The following SEC14L5 variants were observed in gnomAD, a reference collection of about 807,000 sequenced individuals.
The protein encoded by SEC14L5 is SEC14-like protein 5.
In SEC14L5, 96 loss-of-function variants were observed where a neutral mutation model predicts 84.6. That is an observed-to-expected ratio of 1.13 (90% CI 0.96 to 1.34). The LOEUF (loss-of-function observed/expected upper bound fraction) is 1.34. Among genes scored for constraint, SEC14L5 ranks in the 40% most tolerant of loss-of-function variants. SEC14L5 has a pLI of 0.00. For missense variants in SEC14L5, 1,224 were observed against 942.5 expected (o/e 1.30, Z -3.91); for synonymous variants, 546 against 383.4 (o/e 1.42, Z -4.95).
In SEC14L5 at chr16:5,007,375, G is replaced by A. The variant is rs1159663676; in HGVS notation, c.1461G>A (p.Leu487=). 1 of 1,613,702 alleles carries A rather than the reference G, an allele frequency of 6.2e-7. No homozygotes were observed. The highest frequency in any genetic ancestry group is 8.5e-7 in the Non-Finnish European group (1 of 1,179,804). Residue 487 remains leucine, a synonymous_variant, in exon 13 of 16, where the codon CTG becomes CTA. Coordinates refer to ENST00000251170, the MANE Select transcript of SEC14L5 (RefSeq NM_014692.2). ...AGTGTAATGTCCCCGAAGGAGGGCTGGTCCCCAAGTCCCTCTACATGACAG... is the reference window on the plus strand; with the variant it reads ...AGTGTAATGTCCCCGAAGGAGGGCTAGTCCCCAAGTCCCTCTACATGACAG... ...ESVCNVPEGG[L]VPKSLYMTEE... is the part of the protein sequence containing the mutation.
chr16:4,996,381 G>A lies in SEC14L5; in HGVS notation c.701G>A (p.Cys234Tyr). ...CTGGATGCGGACTACATTGAGAGGT[G>A]CCTGGGCCACCTCACGCCCATGCAG... ...DKLDADYIER[C>Y]LGHLTPMQES... is the part of the protein sequence containing the mutation. The change falls in exon 7 of 16, where the codon TGC becomes TAC. Residue 234 changes from cysteine to tyrosine, a missense_variant. Cys to Tyr is a radical substitution (Grantham distance 194). Transcript: ENST00000251170. The A allele has an allele frequency of 6.4e-7, 1 of 1,565,614 alleles. No homozygotes were observed. Among genetic ancestry groups the A allele is most frequent in the East Asian group, 2.4e-5 (1 of 41,764 alleles).
At chr16:5,001,202 C>T (rs577862629) in intron 10 of SEC14L5, among the ~76,000 whole-genome samples, 63 of 151,274 alleles carry the variant, frequency 4.2e-4, no homozygotes, top group African/African-American at 1.5e-3. Context: ...TGGCTTCTAG[C>T]TCGAAGACTT....
intron 4 of SEC14L5, 31 bp from the exon 5 acceptor site, chr16:4,990,736 G>C: frequency 6.3e-7 from 1 of 1,587,242 alleles, no homozygotes. Context: ...CCGACATTGA[G>C]TCCCTGGCAT....
intron 4 of SEC14L5, among the ~76,000 whole-genome samples, chr16:4,989,799 C>A (rs1596629350): frequency 6.6e-6 from 1 of 152,120 alleles, no homozygotes; most frequent in Non-Finnish European, 1.5e-5. Context: ...CTATCAATAG[C>A]TGAGTCAGCA....
chr16:4,983,134 C>T (rs1032793496), intron 2 of SEC14L5, among the ~76,000 whole-genome samples: 2 of 152,026 alleles, frequency 1.3e-5, no homozygotes, highest in African/African-American at 4.8e-5. Flanking sequence ...TCCTGACTAG[C>T]TGTGATTACA....
At chr16:5,000,832 G>A in intron 9 of SEC14L5, 23 bp from the exon 10 acceptor site, 1 of 1,592,706 alleles carries the variant, frequency 6.3e-7, no homozygotes, top group Non-Finnish European at 8.6e-7. Context: ...CGGACGTTGA[G>A]CAGCACTGTC....
intron 13 of SEC14L5, 96 bp downstream of exon 13, chr16:5,007,582 T>C (rs1267727318): frequency 6.0e-6 from 6 of 1,006,108 alleles, no homozygotes; most frequent in Non-Finnish European, 8.5e-6. Context: ...AGGATTCTTT[T>C]TTCTTTTCTT....
chr16:5,001,710 A>G (rs886911618), intron 10 of SEC14L5, among the ~76,000 whole-genome samples: 1 of 151,906 alleles, frequency 6.6e-6, no homozygotes, highest in African/African-American at 2.4e-5. Flanking sequence ...GCCAGTACTT[A>G]CGGTGGCATC....
rs1955889289 is a variant in SEC14L5, at chr16:5,017,527, C to CT, written c.*2558dup. ...AGCCTATAATTTCAGGATTCACACTCTAAGAGATGCTTTTCCATCTCAAAT... is the reference window on the plus strand; with the variant it reads ...AGCCTATAATTTCAGGATTCACACTCTTAAGAGATGCTTTTCCATCTCAAAT... On this transcript the variant is annotated 3_prime_UTR_variant, in exon 16 of 16. Transcript: ENST00000251170. 1 of 152,224 alleles carries CT rather than the reference C, an allele frequency of 6.6e-6. No individual in the cohort carries two copies. The highest frequency in any genetic ancestry group is 2.1e-4 in the South Asian group (1 of 4,832). The allele number at this position is 152,224 out of a possible 1,614,324, so 9.4% of individuals were successfully genotyped here. A position where few individuals can be genotyped will look rare whatever the true frequency, so the allele number is the denominator to read the frequency against.
intron 2 of SEC14L5, among the ~76,000 whole-genome samples, chr16:4,982,453 C>G (rs1955435961): frequency 1.3e-5 from 2 of 152,322 alleles, no homozygotes; most frequent in Middle Eastern, 6.8e-3. Context: ...CTTGCCCTCC[C>G]TGAGCGTAGG....
chr16:4,974,531 A>C (rs1410117073), intron 2 of SEC14L5, among the ~76,000 whole-genome samples: 1 of 151,976 alleles, frequency 6.6e-6, no homozygotes, highest in Non-Finnish European at 1.5e-5. Flanking sequence ...AGGGTGGGCT[A>C]TATGATATGA....
chr16:4,962,639 G>T (rs1421385630), intron 2 of SEC14L5, among the ~76,000 whole-genome samples: 1 of 139,068 alleles, frequency 7.2e-6, no homozygotes, highest in Non-Finnish European at 1.5e-5. Flanking sequence ...AGGGAGCCGA[G>T]ATCGTGCCAT....
chr16:5,003,349 G>T (rs377080170), intron 10 of SEC14L5, 53 bp from the exon 11 acceptor site: 12 of 1,452,804 alleles, frequency 8.3e-6, no homozygotes, highest in East Asian at 6.8e-5. Context: ...GAGGGTGTTG[G>T]TGGCCTTGGG....
chr16:4,982,542 A>G (rs1442816958), intron 2 of SEC14L5, among the ~76,000 whole-genome samples: 2 of 152,138 alleles, frequency 1.3e-5, no homozygotes, highest in Non-Finnish European at 2.9e-5. Context: ...CCCGCACAGA[A>G]GCAAGCAGCC....
chr16:5,008,738 A>G (rs1955765312), intron 14 of SEC14L5, 90 bp downstream of exon 14: 4 of 1,169,714 alleles, frequency 3.4e-6, no homozygotes, highest in Non-Finnish European at 5.0e-6. Flanking sequence ...CGGAGGACAT[A>G]CTGGGCTGCT....
chr16:4,961,530 C>T (rs960118532), intron 2 of SEC14L5, among the ~76,000 whole-genome samples: 9 of 152,040 alleles, frequency 5.9e-5, no homozygotes, highest in South Asian at 2.1e-4. Context: ...GGTTTCATCA[C>T]GTTGGCCACG....
At position 5,008,441 on chromosome 16, in the gene SEC14L5, A is replaced by T. The variant is rs748110405; in HGVS notation, c.1593A>T (p.Glu531Asp). 3 of 1,613,008 alleles carry T rather than the reference A, an allele frequency of 1.9e-6. No individual in the cohort carries two copies. The South Asian group carries it at 3.3e-5, about 18-fold the overall frequency. Residue 531 changes from glutamate to aspartate, a missense_variant, in exon 14 of 16, where the codon GAA becomes GAT. Transcript: ENST00000251170. ...CACAGGTGGCCGTGGAGATCCTGGA[A>T]GGAGAGTCGGTCATCACCTGGGACT... Reference protein sequence around the residue: ...APHEVAVEILEGESVITWDFD... With the variant: ...APHEVAVEILDGESVITWDFD...
chr16:5,003,399 C>G lies in SEC14L5; in HGVS notation c.1131-3C>G. The G allele has an allele frequency of 3.7e-6, 6 of 1,611,354 alleles. No individual in the cohort carries two copies. Among genetic ancestry groups the G allele is most frequent in the Non-Finnish European group, 5.1e-6 (6 of 1,179,166 alleles). On this transcript the variant is annotated splice_region_variant and splice_polypyrimidine_tract_variant and intron_variant, in intron 10 of 15. Transcript: ENST00000251170. ...GGTGGAGCTGGGGCTATTTCTGCCA[C>G]AGCTCCTGGACCTGCCTGCTAGACC...
intron 6 of SEC14L5, among the ~76,000 whole-genome samples, chr16:4,995,258 T>C (rs1361398548): frequency 6.6e-6 from 1 of 152,210 alleles, no homozygotes; most frequent in Non-Finnish European, 1.5e-5. Flanking sequence ...CCACGAGGCC[T>C]CTGCACGCCA....
Sources: allele counts gnomAD v4.1 joint callset (sites outside exome capture counted in the v4.1 genomes callset), GRCh38; gene constraint gnomAD v4.1.1; transcripts MANE v1.5; gene names NCBI Gene and HGNC (gene_info 2026-07-23, HGNC 2026-07-21).